TMEM138: variants seen among roughly 807,000 people sequenced by gnomAD.
TMEM138 encodes transmembrane protein 138.
Under a neutral mutation model 18.1 loss-of-function variants are expected in TMEM138, and 9 were observed. That is an observed-to-expected ratio of 0.50 (90% CI 0.30 to 0.87). The LOEUF (loss-of-function observed/expected upper bound fraction) is 0.87, where lower values mean the gene tolerates loss of function less well. TMEM138 is among the 40% of genes least tolerant of loss of function. TMEM138 has a pLI of 0.06. For missense variants in TMEM138, 189 were observed against 190.6 expected, an observed-to-expected ratio of 0.99 and a Z score of 0.05; for synonymous variants, 79 against 74.8, an observed-to-expected ratio of 1.06 and a Z score of -0.29.
chr11:61,367,916 C>G lies in TMEM138; in HGVS notation c.301-7C>G, dbSNP rs1190786628. On this transcript the variant is annotated splice_region_variant and splice_polypyrimidine_tract_variant and intron_variant, in intron 3 of 4. Coordinates refer to ENST00000278826, the MANE Select transcript of TMEM138 (RefSeq NM_016464.5). ...ATTAACTTTTGTGTATCTCACATCT[C>G]CTTCAGAACTTACGCTGGAAAAACT... is the stretch of plus-strand genomic sequence containing the variant. The G allele has an allele frequency of 1.9e-6, 3 of 1,604,078 alleles. No individual in the cohort carries two copies. The highest frequency in any genetic ancestry group is 2.6e-6 in the Non-Finnish European group (3 of 1,171,268).
chr11:61,369,981 ACT>A (rs1858294205), downstream of TMEM138, among the ~76,000 whole-genome samples: 1 of 152,066 alleles, frequency 6.6e-6, no homozygotes, highest in Admixed American at 6.6e-5. Flanking sequence ...AAGTTCTTAG[ACT>A]CTCATTGCTA....
chr11:61,366,105 C>A lies in TMEM138; in HGVS notation c.189C>A (p.Thr63=). 6.2e-7 allele frequency: 1 copy of A among 1,614,198 alleles called. No individual in the cohort carries two copies. Among genetic ancestry groups the A allele is most frequent in the Non-Finnish European group, 8.5e-7 (1 of 1,180,030 alleles). Residue 63 remains threonine, a synonymous_variant, in exon 3 of 5, where the codon ACC becomes ACA. Transcript: ENST00000278826. ...IIIIFLMFFN[T]FVFQAGLVNL... ...TCATTTTCCTCATGTTCTTCAACACCTTCGTCTTCCAGGCTGGCCTGGTCA... is the reference window on the plus strand; with the variant it reads ...TCATTTTCCTCATGTTCTTCAACACATTCGTCTTCCAGGCTGGCCTGGTCA...
At chr11:61,372,927 TAA>T (rs1858382815), downstream of TMEM138, among the ~76,000 whole-genome samples, 1 of 152,244 alleles carries the variant, frequency 6.6e-6, no homozygotes, top group South Asian at 2.1e-4. Context: ...GTTGTCACAT[TAA>T]GTTTGGTTTG....
At chr11:61,367,805 GA>G in intron 3 of TMEM138, 117 bp from the exon 4 acceptor site, 3 of 703,646 alleles carry the variant, frequency 4.3e-6, no homozygotes, top group Non-Finnish European at 7.7e-6. Context: ...TGGGGTTGTA[GA>G]AAGGAGGAAG....
intron 3 of TMEM138, 105 bp downstream of exon 3, chr11:61,366,321 C>G (rs1197517643): frequency 7.7e-6 from 10 of 1,291,746 alleles, no homozygotes; most frequent in Non-Finnish European, 1.0e-5. Context: ...TCAAGCAATT[C>G]TCCTGCTTCT....
chr11:61,373,849 T>A (rs10897156), downstream of TMEM138, among the ~76,000 whole-genome samples: 126,573 of 151,820 alleles, frequency 0.83, 57,055 homozygotes, highest in East Asian at 0.99. Flanking sequence ...TTTATTTTTT[T>A]TTTTTTTAAA....
chr11:61,367,276 C>A (rs527763609), intron 3 of TMEM138: 1 of 152,372 alleles, frequency 6.6e-6, no homozygotes, highest in East Asian at 1.9e-4. Flanking sequence ...TTCTGCTTCA[C>A]AAATTCTTCC....
At position 61,364,537 on chromosome 11, in the gene TMEM138, T is replaced by A; in HGVS notation, c.128+19T>A. 4 of 1,613,672 alleles carry A rather than the reference T, an allele frequency of 2.5e-6. No homozygotes were observed. Among genetic ancestry groups the A allele is most frequent in the Non-Finnish European group, 3.4e-6 (4 of 1,179,868 alleles). On this transcript the variant is annotated intron_variant, in intron 2 of 4. Coordinates refer to ENST00000278826, the MANE Select transcript of TMEM138 (RefSeq NM_016464.5). Reference sequence around the variant, plus strand: ...TCTTCATGTGCGTGCAGTAAGGCACTCTGGAAAGCTGAACCCACGCAATTC... The same window carrying A: ...TCTTCATGTGCGTGCAGTAAGGCACACTGGAAAGCTGAACCCACGCAATTC...
Position 61,364,376 on chromosome 11 carries a change from G to C in TMEM138, c.-15G>C, listed in dbSNP as rs779012113. Reference sequence around the variant, plus strand: ...GTGGGATGTGCCCTTGGGGGCCCGAGAAAACAGAAGGAAGATGCTCCAGAC... The same window carrying C: ...GTGGGATGTGCCCTTGGGGGCCCGACAAAACAGAAGGAAGATGCTCCAGAC... On this transcript the variant is annotated 5_prime_UTR_variant, in exon 2 of 5. Coordinates refer to ENST00000278826, the MANE Select transcript of TMEM138 (RefSeq NM_016464.5). 6.2e-7 allele frequency: 1 copy of C among 1,613,658 alleles called. No homozygotes were observed. The highest frequency in any genetic ancestry group is 2.2e-5 in the East Asian group (1 of 44,866).
rs562257666 is a variant in TMEM138, at chr11:61,369,445, A to G, written c.*736A>G. The G allele has an allele frequency of 6.6e-6, 1 of 152,368 alleles. No homozygotes were observed. Among genetic ancestry groups the G allele is most frequent in the East Asian group, 1.9e-4 (1 of 5,192 alleles). The allele number at this position is 152,368 out of a possible 1,614,324, so 9.4% of individuals were successfully genotyped here. On this transcript the variant is annotated 3_prime_UTR_variant, in exon 5 of 5. Coordinates refer to ENST00000278826, the MANE Select transcript of TMEM138 (RefSeq NM_016464.5). ...TGCTCTGTTCAGACTCTCTTTCCTTATCAGAAGCCTTAACTGCCCTCAGAA... is the reference window on the plus strand; with the variant it reads ...TGCTCTGTTCAGACTCTCTTTCCTTGTCAGAAGCCTTAACTGCCCTCAGAA...
At chr11:61,364,733 A>T in intron 2 of TMEM138, 1 of 470,198 alleles carries the variant, frequency 2.1e-6, no homozygotes, top group Admixed American at 3.7e-5. Flanking sequence ...CTACCTACTA[A>T]AAATTTTTAA....
chr11:61,368,302 T>G (rs534037794), intron 4 of TMEM138: 65 of 522,844 alleles, frequency 1.2e-4, no homozygotes, highest in South Asian at 1.1e-3. Flanking sequence ...TCAGGCTCAC[T>G]GCAAGCTCCG....
At chr11:61,374,035 G>T (rs1412156395), downstream of TMEM138, among the ~76,000 whole-genome samples, 1 of 150,584 alleles carries the variant, frequency 6.6e-6, no homozygotes, top group Non-Finnish European at 1.5e-5. Flanking sequence ...TAGAGATGGG[G>T]TTTCGCCATG....
At chr11:61,370,639 T>G (rs578192965), downstream of TMEM138, among the ~76,000 whole-genome samples, 31 of 152,278 alleles carry the variant, frequency 2.0e-4, no homozygotes, top group African/African-American at 7.5e-4. Flanking sequence ...TCACCCAGTC[T>G]CTCACACCAG....
chr11:61,366,288 A>G, intron 3 of TMEM138, 72 bp downstream of exon 3: 1 of 1,514,098 alleles, frequency 6.6e-7, no homozygotes, highest in Non-Finnish European at 8.9e-7. Flanking sequence ...TTTGTTACCA[A>G]GGCTGGTCTC....
chr11:61,374,389 G>A (rs1858408693), downstream of TMEM138, among the ~76,000 whole-genome samples: 1 of 151,926 alleles, frequency 6.6e-6, no homozygotes, highest in South Asian at 2.1e-4. Context: ...GAGCTTGGGT[G>A]ATCCACCTGT....
At chr11:61,370,189 C>T (rs967116170), downstream of TMEM138, among the ~76,000 whole-genome samples, 5 of 152,108 alleles carry the variant, frequency 3.3e-5, no homozygotes, top group African/African-American at 1.2e-4. Flanking sequence ...GGACAAAGCA[C>T]GTGAGGGTAG....
rs1858257078 is a variant in TMEM138, at chr11:61,368,813, A to G, written c.*104A>G. 1 of 844,474 alleles carries G rather than the reference A, an allele frequency of 1.2e-6. No individual in the cohort carries two copies. The highest frequency in any genetic ancestry group is 2.0e-6 in the Non-Finnish European group (1 of 509,852). 52.3% of individuals were successfully genotyped at this position (844,474 alleles called of 1,614,324 possible). Reference sequence around the variant, plus strand: ...GCATGGGCAAACAGCTGGACTTTCCAAGGAAGGTTCAGACTAGCTGTGTTC... The same window carrying G: ...GCATGGGCAAACAGCTGGACTTTCCGAGGAAGGTTCAGACTAGCTGTGTTC... On this transcript the variant is annotated 3_prime_UTR_variant, in exon 5 of 5. Coordinates refer to ENST00000278826, the MANE Select transcript of TMEM138 (RefSeq NM_016464.5).
chr11:61,366,333 C>T (rs1858150380), intron 3 of TMEM138, 117 bp downstream of exon 3: 4 of 1,199,132 alleles, frequency 3.3e-6, no homozygotes, highest in Admixed American at 5.8e-5. Flanking sequence ...CCTGCTTCTG[C>T]CTCCCAAGCT....
Sources: gnomAD v4.1 joint callset for allele counts (sites outside exome capture counted in the v4.1 genomes callset) on GRCh38, gnomAD v4.1.1 for gene constraint, MANE v1.5 for transcripts, NCBI Gene and HGNC (gene_info 2026-07-23, HGNC 2026-07-21) for gene names.